AKAP19: variants seen among roughly 807,000 people sequenced by gnomAD.
AKAP19 encodes the protein A-kinase anchoring protein 19, also known as small A-kinase anchoring protein.
chr2:190,194,236 G>C, the AKAP19 span, among the ~76,000 whole-genome samples: 1 of 152,108 alleles, frequency 6.6e-6, no homozygotes, highest in Non-Finnish European at 1.5e-5. Context: ...GTAGTGTTCT[G>C]TGAATATCAA....
At chr2:189,936,092 G>T in the AKAP19 span, among the ~76,000 whole-genome samples, 1 of 152,088 alleles carries the variant, frequency 6.6e-6, no homozygotes, top group Non-Finnish European at 1.5e-5. Context: ...TCTAAAGATG[G>T]TAAATTTAAA....
At chr2:190,148,044 T>C in the AKAP19 span, among the ~76,000 whole-genome samples, 1 of 152,190 alleles carries the variant, frequency 6.6e-6, no homozygotes, top group African/African-American at 2.4e-5. Flanking sequence ...CAGTACTGTG[T>C]TGAAGACGAG....
chr2:190,200,659 G>A, the AKAP19 span: 1 of 170,412 alleles, frequency 5.9e-6, no homozygotes, highest in East Asian at 1.9e-4. Flanking sequence ...AATGAACCCT[G>A]TCTTTAATAA....
chr2:189,918,902 A>C, the AKAP19 span, among the ~76,000 whole-genome samples: 1 of 152,214 alleles, frequency 6.6e-6, no homozygotes, highest in East Asian at 1.9e-4. Flanking sequence ...ACCCAGGTAT[A>C]AATATCACAA....
At chr2:190,044,463 A>G in the AKAP19 span, among the ~76,000 whole-genome samples, 686 of 152,210 alleles carry the variant, frequency 4.5e-3, 6 homozygotes, top group Admixed American at 7.5e-3. Context: ...TGTGGATAAG[A>G]CACTTTGGGT....
At chr2:189,946,342 G>A in the AKAP19 span, among the ~76,000 whole-genome samples, 3 of 152,186 alleles carry the variant, frequency 2.0e-5, no homozygotes, top group Non-Finnish European at 4.4e-5. Context: ...CTGGGAGCAG[G>A]CTCATGCCTA....
At chr2:190,195,941 CTTTTTTT>C in the AKAP19 span, among the ~76,000 whole-genome samples, 5 of 86,210 alleles carry the variant, frequency 5.8e-5, no homozygotes, top group Non-Finnish European at 1.2e-4. Context: ...CTGTGTCCAG[CTTTTTTT>C]TTTTTTTTTT....
the AKAP19 span, among the ~76,000 whole-genome samples, chr2:190,054,569 T>A: frequency 1.3e-3 from 199 of 151,964 alleles, 1 homozygote; most frequent in East Asian, 0.026. Context: ...TGGGAGAAAA[T>A]TTTTGCAACC....
the AKAP19 span, among the ~76,000 whole-genome samples, chr2:190,009,913 A>G: frequency 1.1e-4 from 16 of 152,200 alleles, no homozygotes; most frequent in East Asian, 1.9e-4. Context: ...ATAAGTGAAT[A>G]AAATGTTTCA....
chr2:190,198,631 CAAAAAAAAAAA>C, the AKAP19 span, among the ~76,000 whole-genome samples: 14 of 70,592 alleles, frequency 2.0e-4, no homozygotes, highest in Admixed American at 1.3e-3. Flanking sequence ...GACCCTGTCT[CAAAAAAAAAAA>C]AAAAAAAAAA....
chr2:190,107,650 G>A, the AKAP19 span, among the ~76,000 whole-genome samples: 1 of 152,066 alleles, frequency 6.6e-6, no homozygotes, highest in Non-Finnish European at 1.5e-5. Context: ...TGAAAGAGTG[G>A]GGTCATACAA....
At chr2:190,177,230 G>C in the AKAP19 span, among the ~76,000 whole-genome samples, 3 of 152,166 alleles carry the variant, frequency 2.0e-5, no homozygotes, top group Non-Finnish European at 4.4e-5. This position sits in a 1 kb window ranked among gnomAD's most constrained non-coding sequence, Gnocchi z 4.6. Context: ...ATAAGTTCTA[G>C]GGGTAGGGGT....
chr2:190,152,682 T>G, the AKAP19 span, among the ~76,000 whole-genome samples: 2 of 152,220 alleles, frequency 1.3e-5, no homozygotes, highest in Admixed American at 1.3e-4. Context: ...TCTGTATTTT[T>G]TGTTATTATT....
the AKAP19 span, among the ~76,000 whole-genome samples, chr2:190,045,714 G>A: frequency 1.3e-5 from 2 of 152,236 alleles, no homozygotes; most frequent in Admixed American, 6.5e-5. Flanking sequence ...TATCTTGTGA[G>A]GTGCCATGGA....
the AKAP19 span, among the ~76,000 whole-genome samples, chr2:190,051,822 T>TATTTATTTATTTATTTATTTA: frequency 6.7e-6 from 1 of 149,548 alleles, no homozygotes; most frequent in East Asian, 2.0e-4. Flanking sequence ...TTTTTTTATT[T>TATTTATTTATTTATTTATTTA]TTTATTTATT....
chr2:190,127,192 GA>G, the AKAP19 span, among the ~76,000 whole-genome samples: 39,490 of 140,764 alleles, frequency 0.28, 6,220 homozygotes, highest in African/African-American at 0.47. Flanking sequence ...GCCCTGACTG[GA>G]AAAAAAAAAA....
At chr2:190,072,266 A>C in the AKAP19 span, among the ~76,000 whole-genome samples, 1 of 152,110 alleles carries the variant, frequency 6.6e-6, no homozygotes, top group Non-Finnish European at 1.5e-5. Flanking sequence ...GGAGGGAGGA[A>C]GCTAGGGGAA....
chr2:190,122,908 C>T, the AKAP19 span, among the ~76,000 whole-genome samples: 2 of 151,806 alleles, frequency 1.3e-5, no homozygotes, highest in African/African-American at 2.4e-5. Flanking sequence ...CACTTGGGCT[C>T]ATGCTATCTT....
chr2:190,199,810 G>GCCTGGAAGTAGTCTTTGC, the AKAP19 span: 1 of 1,587,518 alleles, frequency 6.3e-7, no homozygotes, highest in Middle Eastern at 1.7e-4. Context: ...TCTAAAGATG[G>GCCTGGAAGTAGTCTTTGC]CCTGGAAGTA....
Sources: allele counts gnomAD v4.1 joint callset (sites outside exome capture counted in the v4.1 genomes callset), GRCh38; gene constraint gnomAD v4.1.1; non-coding constraint Gnocchi (gnomAD v3.1); transcripts MANE v1.5; gene names NCBI Gene and HGNC (gene_info 2026-07-23, HGNC 2026-07-21).